Variants in EYA2 observed in about 807,000 individuals in gnomAD.
The protein encoded by EYA2 is protein phosphatase EYA2.
A neutral mutation model predicts 69.2 loss-of-function variants in EYA2; 31 were observed. That is an observed-to-expected ratio of 0.45 (90% CI 0.34 to 0.60). The LOEUF (loss-of-function observed/expected upper bound fraction) is 0.60. EYA2 is among the 20% of genes least tolerant of loss of function. The pLI is 0.02. For synonymous variants in EYA2, 257 were observed against 279.4 expected, an observed-to-expected ratio of 0.92 and a Z score of 0.80; for missense variants, 622 against 701.2, an observed-to-expected ratio of 0.89 and a Z score of 1.28.
At chr20:46,914,153 G>A (rs747253454) in intron 1 of EYA2, among the ~76,000 whole-genome samples, 27 of 152,318 alleles carry the variant, frequency 1.8e-4, no homozygotes, top group African/African-American at 5.5e-4. Context: ...AGCGGTTAAC[G>A]CTGGACACAC....
chr20:47,001,884 C>T (rs1452612339), intron 3 of EYA2, among the ~76,000 whole-genome samples: 1 of 148,060 alleles, frequency 6.8e-6, no homozygotes, highest in African/African-American at 2.5e-5. Context: ...CACTGTCTTT[C>T]TTTCTCCTTT....
At chr20:47,112,579 G>T (rs962901310) in intron 9 of EYA2, among the ~76,000 whole-genome samples, 9 of 152,182 alleles carry the variant, frequency 5.9e-5, no homozygotes, top group African/African-American at 2.2e-4. Context: ...GAAGGTATCT[G>T]CATGGCTCAG....
chr20:47,180,537 C>T (rs1179201346), intron 13 of EYA2, among the ~76,000 whole-genome samples: 3 of 152,204 alleles, frequency 2.0e-5, no homozygotes, highest in Admixed American at 6.5e-5. Context: ...CACTCATTTA[C>T]ATTACCCGCA....
At chr20:46,937,029 G>A (rs771578912) in intron 1 of EYA2, among the ~76,000 whole-genome samples, 3 of 152,158 alleles carry the variant, frequency 2.0e-5, no homozygotes, top group Non-Finnish European at 4.4e-5. Context: ...AATGGGGAGC[G>A]CTTTTAATCT....
At chr20:47,000,874 G>C (rs1982324491) in intron 2 of EYA2, among the ~76,000 whole-genome samples, 1 of 152,114 alleles carries the variant, frequency 6.6e-6, no homozygotes, top group Non-Finnish European at 1.5e-5. Context: ...GCACTCCATG[G>C]ACTGGAAGTG....
intron 12 of EYA2, among the ~76,000 whole-genome samples, chr20:47,177,294 G>A (rs575931934): frequency 8.6e-5 from 13 of 151,222 alleles, no homozygotes; most frequent in East Asian, 3.9e-4. Context: ...TAAATTTTTT[G>A]TAAAGATGGG....
chr20:47,125,122 C>T (rs1468524271), intron 9 of EYA2, among the ~76,000 whole-genome samples: 3 of 145,350 alleles, frequency 2.1e-5, no homozygotes, highest in African/African-American at 5.1e-5. Context: ...GGCACTATCT[C>T]GGCTCACTGC....
chr20:47,176,167 C>A (rs1239324235), intron 12 of EYA2, among the ~76,000 whole-genome samples: 3 of 150,170 alleles, frequency 2.0e-5, no homozygotes, highest in Non-Finnish European at 4.4e-5. Context: ...GCAACCTCTA[C>A]CTCCCAGGTT....
At chr20:46,958,593 G>A (rs953294299) in intron 1 of EYA2, among the ~76,000 whole-genome samples, 6 of 152,118 alleles carry the variant, frequency 3.9e-5, no homozygotes, top group African/African-American at 7.2e-5. Flanking sequence ...GTGCAGGTTC[G>A]TTCTATAGGC....
intron 9 of EYA2, among the ~76,000 whole-genome samples, chr20:47,124,670 G>T (rs1424675046): frequency 6.6e-6 from 1 of 152,066 alleles, no homozygotes; most frequent in African/African-American, 2.4e-5. Flanking sequence ...AGGTTTGTCT[G>T]TGACTTTCCC....
intron 1 of EYA2, among the ~76,000 whole-genome samples, chr20:46,922,193 C>T (rs1392660771): frequency 6.6e-6 from 1 of 152,146 alleles, no homozygotes; most frequent in Non-Finnish European, 1.5e-5. Flanking sequence ...ACATCATCAC[C>T]CCGGAGGACA....
chr20:47,038,905 C>T (rs201572585), intron 5 of EYA2, among the ~76,000 whole-genome samples: 1 of 150,796 alleles, frequency 6.6e-6, no homozygotes, highest in Non-Finnish European at 1.5e-5. Context: ...GCTTCTCGAA[C>T]AGGAGAAAAA....
At position 47,092,907 on chromosome 20, in the gene EYA2, T is replaced by C. The variant is rs183247314; in HGVS notation, c.804+3526T>C. 2.4e-3 allele frequency among the ~76,000 whole-genome samples: 358 copies of C among 152,318 alleles called. 4 individuals are homozygous for C. Among genetic ancestry groups the C allele is most frequent in the African/African-American group, 7.9e-3 (329 of 41,570 alleles). On this transcript the variant is annotated intron_variant, in intron 8 of 15. Transcript: ENST00000327619. ...GTGGAAAGGAGGAAAATTCTGAGCA[T>C]GTATTAGTTAAAATCCTTCAGCTGC...
chr20:46,926,105 A>G (rs551228225), intron 1 of EYA2, among the ~76,000 whole-genome samples: 2 of 152,372 alleles, frequency 1.3e-5, no homozygotes, highest in South Asian at 4.1e-4. Context: ...ATAAGAATAT[A>G]CATCCACATT....
intron 1 of EYA2, among the ~76,000 whole-genome samples, chr20:46,972,430 G>T (rs1016650320): frequency 1.3e-5 from 2 of 152,116 alleles, no homozygotes; most frequent in African/African-American, 4.8e-5. Flanking sequence ...CACTCCATTG[G>T]CACAGTGTCA....
At chr20:47,100,453 A>G (rs2032392166) in intron 9 of EYA2, among the ~76,000 whole-genome samples, 1 of 152,188 alleles carries the variant, frequency 6.6e-6, no homozygotes, top group Admixed American at 6.5e-5. Flanking sequence ...CTCTGGCCCC[A>G]TTGGTATCTG....
At position 47,183,226 on chromosome 20, in the gene EYA2, C is replaced by CGGGT; in HGVS notation, c.1436-64_1436-61dup. On this transcript the variant is annotated intron_variant, in intron 14 of 15. Coordinates refer to ENST00000327619, the MANE Select transcript of EYA2 (RefSeq NM_005244.5). ...CTGCAGGCACCAAGCTCTTAATGAG[C>CGGGT]GGGTATTGGCTGCAATCCGGGGTCC... The CGGGT allele has an allele frequency of 4.1e-6, 6 of 1,462,114 alleles. No homozygotes were observed. In the East Asian group the frequency reaches 1.4e-4, roughly 33 times the overall value. 90.6% of individuals were successfully genotyped at this position (1,462,114 alleles called of 1,614,324 possible). A position where few individuals can be genotyped will look rare whatever the true frequency, so the allele number is the denominator to read the frequency against.
chr20:47,169,010 C>T, intron 10 of EYA2, 129 bp from the exon 11 acceptor site: 3 of 773,628 alleles, frequency 3.9e-6, no homozygotes, highest in Non-Finnish European at 6.7e-6. Context: ...CAGACTAGAA[C>T]CCGAGCCTGA....
intron 1 of EYA2, among the ~76,000 whole-genome samples, chr20:46,961,812 T>C (rs1979493356): frequency 6.6e-6 from 1 of 152,158 alleles, no homozygotes; most frequent in South Asian, 2.1e-4. Context: ...AGTTGGAAGC[T>C]AAAAAAGTTA....
Sources: allele counts gnomAD v4.1 joint callset (sites outside exome capture counted in the v4.1 genomes callset), GRCh38; gene constraint gnomAD v4.1.1; transcripts MANE v1.5; gene names NCBI Gene and HGNC (gene_info 2026-07-23, HGNC 2026-07-21).